The following C5 variants were observed in gnomAD, a reference collection of about 807,000 sequenced individuals.
C5 encodes the protein complement C5, also known as C3 and PZP-like alpha-2-macroglobulin domain-containing protein 4.
C5 carries 140 observed loss-of-function variants against 218.8 expected under a neutral mutation model. The observed-to-expected ratio is 0.64, with a 90% confidence interval of 0.56 to 0.74. The LOEUF (loss-of-function observed/expected upper bound fraction) is 0.74, where lower values mean the gene tolerates loss of function less well. C5 is among the 30% of genes least tolerant of loss of function. The pLI, the probability that C5 is intolerant of heterozygous loss-of-function variation, is 0.00. For missense variants in C5, 1,700 were observed against 1,969.6 expected (o/e 0.86, Z 2.59); for synonymous variants, 614 against 682.3 (o/e 0.90, Z 1.56).
chr9:121,006,838 A>G lies in C5; in HGVS notation c.2422+66T>C, dbSNP rs41309880. ...GTCCTGGGTAAACTAAATAGATACT[A>G]ACAAAGAATTACATCTTGCTAATCA... is the stretch of plus-strand genomic sequence containing the variant. On this transcript the variant is annotated intron_variant, in intron 19 of 40. Transcript: ENST00000223642. 1,989 of 1,126,882 alleles carry G rather than the reference A, an allele frequency of 1.8e-3. 24 individuals are homozygous for G. The African/African-American group carries it at 0.026, about 15-fold the overall frequency. The allele number at this position is 1,126,882 out of a possible 1,614,324, so 69.8% of individuals were successfully genotyped here.
At chr9:121,060,472 A>T in the C5 span, among the ~76,000 whole-genome samples, 4 of 152,164 alleles carry the variant, frequency 2.6e-5, no homozygotes, top group Non-Finnish European at 5.9e-5. Context: ...TGGAGTTCTT[A>T]TGATTACTCT....
chr9:120,953,026 C>T (rs1425051057), intron 40 of C5, among the ~76,000 whole-genome samples, 158 bp from the exon 41 acceptor site: 1 of 152,186 alleles, frequency 6.6e-6, no homozygotes, highest in African/African-American at 2.4e-5. Context: ...CGGGTTCACG[C>T]CATTCTCCTG....
chr9:121,058,063 C>T, the C5 span, among the ~76,000 whole-genome samples: 2 of 152,182 alleles, frequency 1.3e-5, no homozygotes, highest in African/African-American at 4.8e-5. Flanking sequence ...AACTCCACTG[C>T]ATTTAAACGA....
chr9:121,034,898 T>C lies in C5; in HGVS notation c.493-4A>G, dbSNP rs760173563. On this transcript the variant is annotated splice_polypyrimidine_tract_variant and splice_region_variant and intron_variant, in intron 4 of 40. Coordinates refer to ENST00000223642, the MANE Select transcript of C5 (RefSeq NM_001735.3). ...CAACTTCTGATCCTTCAGGATCCTG[T>C]AAATAAAAACAAACACCCTCAAAGG... The C allele has an allele frequency of 2.6e-6, 4 of 1,532,590 alleles. No individual in the cohort carries two copies. Among genetic ancestry groups the C allele is most frequent in the Non-Finnish European group, 3.6e-6 (4 of 1,109,902 alleles). The allele number at this position is 1,532,590 out of a possible 1,614,324, so 94.9% of individuals were successfully genotyped here. A position where few individuals can be genotyped will look rare whatever the true frequency, so the allele number is the denominator to read the frequency against.
chr9:121,038,820 G>A (rs1401761957), intron 3 of C5, among the ~76,000 whole-genome samples: 3 of 152,138 alleles, frequency 2.0e-5, no homozygotes, highest in African/African-American at 7.2e-5. Context: ...CATTAACACT[G>A]GTTTTACTAA....
At position 121,041,297 on chromosome 9, in the gene C5, C is replaced by CT. The variant is rs386416117; in HGVS notation, c.421+1706dup. 5.1e-3 allele frequency among the ~76,000 whole-genome samples: 367 copies of CT among 72,620 alleles called. 18 individuals carry two copies. The highest frequency in any genetic ancestry group is 9.9e-3 in the African/African-American group (180 of 18,208). 47.6% of individuals were successfully genotyped at this position (72,620 alleles called of 152,430 possible). A position where few individuals can be genotyped will look rare whatever the true frequency, so the allele number is the denominator to read the frequency against. ...CTGATAGAGAAATAATACATGAAGC[C>CT]TTTTTTTTTTTTTTTTTTTTTTGCT... is the stretch of plus-strand genomic sequence containing the variant. On this transcript the variant is annotated intron_variant, in intron 3 of 40. Coordinates refer to ENST00000223642, the MANE Select transcript of C5 (RefSeq NM_001735.3).
chr9:121,048,917 C>T (rs1351401609), intron 1 of C5, among the ~76,000 whole-genome samples: 1 of 152,054 alleles, frequency 6.6e-6, no homozygotes, highest in Non-Finnish European at 1.5e-5. Context: ...AAAATAGTGC[C>T]CCATAATTAT....
Position 121,017,478 on chromosome 9 carries a change from G to C in C5, c.1750C>G (p.Pro584Ala). Residue 584 changes from proline (P) to alanine (A), a missense_variant, in exon 14 of 41, where the codon CCA (proline) becomes GCA (alanine). By Grantham distance (27) the Pro-to-Ala change is conservative. Transcript: ENST00000223642. ...HLSPDADAYS[P>A]GQTVSLNMAT... ...ATATTAAGAGACACAGTTTGGCCTG[G>C]AGAATATGCATCTGCATCAGGAGAC... 6.2e-7 allele frequency: 1 copy of C among 1,613,878 alleles called. No individual in the cohort carries two copies. Among genetic ancestry groups the C allele is most frequent in the Non-Finnish European group, 8.5e-7 (1 of 1,179,950 alleles).
At chr9:120,985,157 G>C (rs569669904) in intron 25 of C5, among the ~76,000 whole-genome samples, 1 of 151,982 alleles carries the variant, frequency 6.6e-6, no homozygotes, top group Admixed American at 6.6e-5. Context: ...AGCTTTTTGC[G>C]TTCTCCTCTT....
the C5 span, among the ~76,000 whole-genome samples, chr9:121,070,212 C>T: frequency 3.3e-5 from 5 of 151,748 alleles, no homozygotes; most frequent in Non-Finnish European, 5.9e-5. Flanking sequence ...ACAAAATTAG[C>T]TGGGTATGTT....
At chr9:120,982,083 C>T in intron 26 of C5, 144 bp from the exon 27 acceptor site, 2 of 691,492 alleles carry the variant, frequency 2.9e-6, no homozygotes, top group Non-Finnish European at 5.3e-6. Context: ...TTGATCTTGG[C>T]TCACTGCAAC....
chr9:121,071,181 GT>G, the C5 span, among the ~76,000 whole-genome samples: 1 of 151,928 alleles, frequency 6.6e-6, no homozygotes, highest in Non-Finnish European at 1.5e-5. Context: ...ATAGCTGGGC[GT>G]GGAGTCACAC....
chr9:121,014,237 G>A (rs928902683), intron 16 of C5, among the ~76,000 whole-genome samples, 167 bp from the exon 17 acceptor site: 3 of 152,116 alleles, frequency 2.0e-5, no homozygotes, highest in Non-Finnish European at 4.4e-5. Flanking sequence ...TTCTAAGAAT[G>A]GGGAGAATGT....
intron 27 of C5, among the ~76,000 whole-genome samples, chr9:120,981,079 C>T (rs1451629517): frequency 6.6e-6 from 1 of 152,228 alleles, no homozygotes; most frequent in Non-Finnish European, 1.5e-5. Flanking sequence ...AGTCCTGACG[C>T]CACCAAAATG....
chr9:120,987,044 G>A (rs528067708), intron 25 of C5, among the ~76,000 whole-genome samples: 11 of 152,310 alleles, frequency 7.2e-5, no homozygotes, highest in African/African-American at 2.6e-4. Context: ...ATTCTGACTT[G>A]ATCCATGGGG....
In C5 at chr9:121,011,156, T is replaced by G. The variant is rs181104438; in HGVS notation, c.2258-2658A>C. Among the ~76,000 whole-genome samples, 239 of 152,236 alleles carry G rather than the reference T, an allele frequency of 1.6e-3. 3 individuals carry two copies. Among genetic ancestry groups the G allele is most frequent in the African/African-American group, 5.6e-3 (233 of 41,556 alleles). On this transcript the variant is annotated intron_variant, in intron 17 of 40. Coordinates refer to ENST00000223642, the MANE Select transcript of C5 (RefSeq NM_001735.3). ...GGATCACATCAAGTTAAAGAGCTTC[T>G]GTACAGCAAAGGAATCAATAAAGTA...
chr9:121,042,173 A>G (rs1293159122), intron 3 of C5, among the ~76,000 whole-genome samples: 1 of 152,174 alleles, frequency 6.6e-6, no homozygotes, highest in Non-Finnish European at 1.5e-5. Flanking sequence ...CTTAAAAGTC[A>G]TTGATGACGA....
intron 1 of C5, 37 bp downstream of exon 1, chr9:121,050,145 G>C (rs2047660616): frequency 2.1e-6 from 3 of 1,451,070 alleles, no homozygotes; most frequent in Non-Finnish European, 2.9e-6. Flanking sequence ...TCATAACTAA[G>C]ATGCATTGAA....
intron 36 of C5, 58 bp downstream of exon 36, chr9:120,962,613 T>G: frequency 7.7e-7 from 1 of 1,295,686 alleles, no homozygotes; most frequent in Non-Finnish European, 1.1e-6. Flanking sequence ...GATTTCTAAA[T>G]GTTCTGGAAA....
Sources: allele counts gnomAD v4.1 joint callset (sites outside exome capture counted in the v4.1 genomes callset), GRCh38; gene constraint gnomAD v4.1.1; transcripts MANE v1.5; gene names NCBI Gene and HGNC (gene_info 2026-07-23, HGNC 2026-07-21).